Variants in MAGI1 observed in about 807,000 individuals in gnomAD.
MAGI1 encodes membrane-associated guanylate kinase, WW and PDZ domain-containing protein 1.
A neutral mutation model predicts 139.9 loss-of-function variants in MAGI1; 58 were observed. The observed-to-expected ratio is 0.41, with a 90% CI of 0.34 to 0.52. MAGI1 has a LOEUF of 0.52. MAGI1 is among the 20% of genes least tolerant of loss of function. The pLI, the probability that MAGI1 is intolerant of heterozygous loss-of-function variation, is 0.12. For missense variants in MAGI1, 1,874 were observed against 1,901.6 expected, an observed-to-expected ratio of 0.99 and a Z score of 0.27; for synonymous variants, 812 against 737.9, an observed-to-expected ratio of 1.10 and a Z score of -1.63.
intron 12 of MAGI1, among the ~76,000 whole-genome samples, chr3:65,418,824 C>T (rs748102167): frequency 3.9e-5 from 6 of 152,220 alleles, no homozygotes; most frequent in East Asian, 3.9e-4. Context: ...CTCTCCAGCC[C>T]GACTGCATTA....
rs1952211923 is a variant in MAGI1 at position 65,493,576 on chromosome 3, C to T, written c.486G>A (p.Leu162=). Residue 162 remains leucine (L), a synonymous_variant, in exon 3 of 23, where the codon CTG becomes CTA. Transcript: ENST00000402939. ...GEVPGVDYNF[L]TVKEFLDLEQ... ...CGAGGTCCAAGAACTCCTTCACAGT[C>T]AGAAAGTTATAGTCCACGCCAGGCA... The T allele has an allele frequency of 6.2e-7, 1 of 1,614,062 alleles. No homozygotes were observed. Among genetic ancestry groups the T allele is most frequent in the African/African-American group, 1.3e-5 (1 of 74,920 alleles).
At chr3:65,419,901 C>T (rs528664011) in intron 12 of MAGI1, among the ~76,000 whole-genome samples, 6 of 152,244 alleles carry the variant, frequency 3.9e-5, no homozygotes, top group Admixed American at 2.6e-4. Context: ...CATGTCTACC[C>T]TTTGTCTCTT....
Position 65,478,768 on chromosome 3 carries a change from C to T in MAGI1, c.581G>A (p.Ser194Asn), listed in dbSNP as rs760506334. The change falls in exon 4 of 23, where the codon AGC becomes AAC. Residue 194 changes from serine (S) to asparagine (N), a missense_variant. Coordinates refer to ENST00000402939, the MANE Select transcript of MAGI1 (RefSeq NM_001033057.2). ...GNYYGTPKPP[S>N]QPVSGKVITT... ...GATCACTTTCCCACTGACTGGCTGG[C>T]TAGGAGGCTTGGGTGTCCCATAATA... 2.9e-5 allele frequency: 47 copies of T among 1,613,852 alleles called. No homozygotes were observed. Among genetic ancestry groups the T allele is most frequent in the Admixed American group, 5.0e-5 (3 of 59,970 alleles).
chr3:65,490,852 AAAAAAG>A (rs1400997766), intron 3 of MAGI1, among the ~76,000 whole-genome samples: 13 of 149,612 alleles, frequency 8.7e-5, no homozygotes, highest in African/African-American at 2.5e-4. Flanking sequence ...TCAAAAAAAA[AAAAAAG>A]AAAAAAGAAA....
intron 12 of MAGI1, among the ~76,000 whole-genome samples, chr3:65,416,757 C>T (rs1158413463): frequency 2.0e-5 from 3 of 152,190 alleles, no homozygotes; most frequent in Non-Finnish European, 4.4e-5. Flanking sequence ...AATCATATTA[C>T]TCCTAAGGGC....
chr3:65,757,721 G>A (rs563488018), intron 1 of MAGI1, among the ~76,000 whole-genome samples: 7 of 152,220 alleles, frequency 4.6e-5, no homozygotes, highest in African/African-American at 1.4e-4. Context: ...GTTTATGCAG[G>A]AACTATTAAC....
At chr3:65,650,490 G>A (rs2085518103) in intron 1 of MAGI1, among the ~76,000 whole-genome samples, 1 of 152,198 alleles carries the variant, frequency 6.6e-6, no homozygotes, top group South Asian at 2.1e-4. Flanking sequence ...CAACAGCCTA[G>A]AGGAATCTCC....
chr3:65,548,713 G>A (rs1357041234), intron 2 of MAGI1, among the ~76,000 whole-genome samples: 2 of 151,808 alleles, frequency 1.3e-5, no homozygotes, highest in South Asian at 2.1e-4. Flanking sequence ...AATAGAGAGG[G>A]GGTTTCATCA....
chr3:65,658,102 G>C (rs913594584), intron 1 of MAGI1, among the ~76,000 whole-genome samples: 3 of 152,136 alleles, frequency 2.0e-5, no homozygotes, highest in Non-Finnish European at 4.4e-5. Context: ...GGAAAATCAC[G>C]AACTTTATCA....
intron 1 of MAGI1, among the ~76,000 whole-genome samples, chr3:65,624,701 A>G (rs1339122006): frequency 6.6e-6 from 1 of 152,192 alleles, no homozygotes; most frequent in Non-Finnish European, 1.5e-5. Flanking sequence ...GGTCTTCCCC[A>G]TTGGAAATTG....
chr3:65,652,186 G>A (rs2085622805), intron 1 of MAGI1, among the ~76,000 whole-genome samples: 1 of 152,132 alleles, frequency 6.6e-6, no homozygotes, highest in Admixed American at 6.5e-5. Flanking sequence ...GATTATCAAA[G>A]GGGGTAGATA....
chr3:65,862,109 T>C (rs527869334), intron 1 of MAGI1, among the ~76,000 whole-genome samples: 1 of 152,298 alleles, frequency 6.6e-6, no homozygotes, highest in East Asian at 1.9e-4. Context: ...GTTCTTTTGT[T>C]TACCTTCTCT....
intron 1 of MAGI1, among the ~76,000 whole-genome samples, chr3:65,892,830 G>C (rs2060821581): frequency 6.6e-6 from 1 of 152,120 alleles, no homozygotes; most frequent in Admixed American, 6.6e-5. Flanking sequence ...CTTTAACAAT[G>C]ACAGGAAATA....
intron 1 of MAGI1, among the ~76,000 whole-genome samples, chr3:65,913,118 A>G (rs1200551189): frequency 6.6e-6 from 1 of 152,056 alleles, no homozygotes; most frequent in Non-Finnish European, 1.5e-5. Context: ...AAAATTAGCC[A>G]GGCGTGGTGG....
At chr3:65,867,205 T>A (rs1183935159) in intron 1 of MAGI1, among the ~76,000 whole-genome samples, 1 of 152,226 alleles carries the variant, frequency 6.6e-6, no homozygotes, top group Non-Finnish European at 1.5e-5. Flanking sequence ...GCACTCATCA[T>A]CTTCCAACCA....
chr3:65,520,310 T>C (rs968917627), intron 2 of MAGI1, among the ~76,000 whole-genome samples: 1 of 152,248 alleles, frequency 6.6e-6, no homozygotes, highest in African/African-American at 2.4e-5. Context: ...AGGGAAAAGA[T>C]AGTTCCTAAT....
chr3:65,485,331 T>C (rs912192929), intron 3 of MAGI1, among the ~76,000 whole-genome samples: 2 of 152,158 alleles, frequency 1.3e-5, no homozygotes, highest in South Asian at 4.1e-4. Flanking sequence ...CACTGTTCTA[T>C]AATTAGCAGT....
At chr3:65,915,982 A>AAT (rs935826201) in intron 1 of MAGI1, among the ~76,000 whole-genome samples, 3 of 148,920 alleles carry the variant, frequency 2.0e-5, no homozygotes, top group African/African-American at 7.3e-5. Flanking sequence ...ATAAAATGTG[A>AAT]ATATATATAA....
intron 1 of MAGI1, among the ~76,000 whole-genome samples, chr3:65,847,601 T>C (rs2059050572): frequency 6.6e-6 from 1 of 152,226 alleles, no homozygotes; most frequent in African/African-American, 2.4e-5. Flanking sequence ...AATATCAAAA[T>C]ACATGAATTT....
Sources: allele counts gnomAD v4.1 joint callset (sites outside exome capture counted in the v4.1 genomes callset), GRCh38; gene constraint gnomAD v4.1.1; transcripts MANE v1.5; gene names NCBI Gene and HGNC (gene_info 2026-07-23, HGNC 2026-07-21).